MACF1: variants seen among roughly 807,000 people sequenced by gnomAD.
MACF1 encodes microtubule-actin cross-linking factor 1.
Under a neutral mutation model 854.8 loss-of-function variants are expected in MACF1, and 193 were observed. The ratio of observed to expected loss-of-function variants is 0.23; its 90% CI spans 0.20 to 0.25. The LOEUF (loss-of-function observed/expected upper bound fraction) is 0.25, where lower values mean the gene tolerates loss of function less well. MACF1 is among the 10% of genes least tolerant of loss of function. The probability of loss-of-function intolerance (pLI) is 1.00; values close to 1 mark genes in which losing one functional copy is unlikely to be tolerated. For missense variants in MACF1, 7,722 were observed against 8,929.1 expected (o/e 0.86, Z 5.45); for synonymous variants, 3,185 against 3,226.7 (o/e 0.99, Z 0.44).
intron 1 of MACF1, among the ~76,000 whole-genome samples, chr1:39,207,557 G>A (rs974367006): frequency 6.6e-6 from 1 of 151,962 alleles, no homozygotes; most frequent in African/African-American, 2.4e-5. Context: ...TGGGATTATA[G>A]GTGTGAGCCA....
chr1:39,175,894 A>G (rs200852644), intron 2 of MACF1, among the ~76,000 whole-genome samples: 20 of 148,548 alleles, frequency 1.3e-4, no homozygotes, highest in Admixed American at 2.7e-4. Flanking sequence ...TCAGGAGATC[A>G]AGACCATCCT....
intron 6 of MACF1, among the ~76,000 whole-genome samples, chr1:39,267,880 G>T (rs1274726279): frequency 1.3e-5 from 2 of 152,178 alleles, no homozygotes; most frequent in African/African-American, 4.8e-5. Flanking sequence ...ATAGGAAAAA[G>T]GAGGGAAATA....
chr1:39,125,487 C>G (rs1642836354), intron 2 of MACF1, among the ~76,000 whole-genome samples: 1 of 152,150 alleles, frequency 6.6e-6, no homozygotes, highest in African/African-American at 2.4e-5. Context: ...TACTCAATAT[C>G]CGTGAGTTGT....
intron 58 of MACF1, among the ~76,000 whole-genome samples, chr1:39,417,588 C>T (rs775275699): frequency 2.0e-5 from 3 of 151,662 alleles, no homozygotes; most frequent in Non-Finnish European, 4.4e-5. Flanking sequence ...ACTCTGTTGC[C>T]CAGGCTGGAG....
chr1:39,273,565 A>C (rs781446664), intron 6 of MACF1, among the ~76,000 whole-genome samples: 4 of 152,092 alleles, frequency 2.6e-5, no homozygotes, highest in Non-Finnish European at 5.9e-5. Flanking sequence ...CAGAAGGTAA[A>C]GTTATAGTTT....
rs760903340 is a variant in MACF1 at position 39,360,842 on chromosome 1, ATCT to A, written c.12298_12300del (p.Ser4100del). 5.0e-6 allele frequency: 8 copies of A among 1,614,028 alleles called. No homozygotes were observed. The highest frequency in any genetic ancestry group is 5.9e-6 in the Non-Finnish European group (7 of 1,180,008). ...GCCTCTCCTATAGCCTGGCTGAGCG[ATCT>A]TCTCTGCTGCAGAAAGCAATTGCCC... is the stretch of plus-strand genomic sequence containing the variant. On this transcript the variant is annotated inframe_deletion, in exon 48 of 101. Coordinates refer to ENST00000564288, the MANE Select transcript of MACF1 (RefSeq NM_001394062.1).
At chr1:39,444,584 G>T (rs1175218522) in intron 79 of MACF1, 78 bp from the exon 80 acceptor site, 24 of 1,336,582 alleles carry the variant, frequency 1.8e-5, no homozygotes, top group Non-Finnish European at 2.2e-5. Flanking sequence ...GACTTTCCCA[G>T]ACTCTGCTAC....
chr1:39,301,189 C>T (rs1303924095), intron 22 of MACF1, among the ~76,000 whole-genome samples: 7 of 152,080 alleles, frequency 4.6e-5, no homozygotes, highest in East Asian at 1.9e-4. Context: ...TGCAGTGGCA[C>T]GATCTCAGCT....
rs1267885515 is a variant in MACF1, at chr1:39,161,727, C to T, written c.221-69455C>T. On this transcript the variant is annotated intron_variant, in intron 2 of 93. Coordinates refer to the MACF1 transcript ENST00000361689. Reference sequence around the variant, plus strand: ...TAAAAATACAAAAAAATTAGCCAGGCGTGGTGGCGGGCGCCTGTAGTCCCA... The same window carrying T: ...TAAAAATACAAAAAAATTAGCCAGGTGTGGTGGCGGGCGCCTGTAGTCCCA... 7.3e-5 allele frequency among the ~76,000 whole-genome samples: 11 copies of T among 151,678 alleles called. 1 individual carries two copies. Among genetic ancestry groups the T allele is most frequent in the Admixed American group, 3.3e-4 (5 of 15,232 alleles).
In MACF1 at chr1:39,331,378, A is replaced by T; in HGVS notation, c.4790A>T (p.Glu1597Val). 2 of 1,613,896 alleles carry T rather than the reference A, an allele frequency of 1.2e-6. No homozygotes were observed. The highest frequency in any genetic ancestry group is 1.7e-6 in the Non-Finnish European group (2 of 1,179,970). ...PETGENLSLE[E>V]GIARNLINPQ... ...ACGGGTGAAAACCTCTCTTTGGAGG[A>T]GGGCATAGCCAGAAACCTCATTAAT... is the stretch of plus-strand genomic sequence containing the variant. The change falls in exon 37 of 101, where the codon GAG becomes GTG. Residue 1597 changes from glutamate to valine, a missense_variant. Physicochemically the swap from Glu to Val is moderately radical, Grantham distance 121 (BLOSUM62 -2). Transcript: ENST00000564288.
intron 58 of MACF1, among the ~76,000 whole-genome samples, chr1:39,389,351 G>GGTT (rs1641935224): frequency 3.2e-5 from 2 of 63,472 alleles, no homozygotes; most frequent in African/African-American, 5.7e-5. Flanking sequence ...GTTTTTGTGT[G>GGTT]TTTTTTTTTT....
At chr1:39,089,801 A>G (rs1200043850) in intron 2 of MACF1, among the ~76,000 whole-genome samples, 1 of 152,166 alleles carries the variant, frequency 6.6e-6, no homozygotes, top group Non-Finnish European at 1.5e-5. Context: ...TAGGCAAATG[A>G]CCTCACTTCT....
Position 39,432,611 on chromosome 1 carries a change from G to T in MACF1, c.17414G>T (p.Arg5805Leu). The change falls in exon 67 of 101, where the codon CGC (arginine) becomes CTC (leucine). Residue 5805 changes from arginine (R) to leucine (L), a missense_variant. Physicochemically the swap from Arg to Leu is moderately radical, Grantham distance 102. Transcript: ENST00000564288. ...AAACTGATGGCTCTGGGTCCAATTC[G>T]CCTGGAACAGGACCAGACCACAGCT... ...KRKLMALGPIRLEQDQTTAQL... is the reference protein window; with the variant it reads ...KRKLMALGPILLEQDQTTAQL... 6.2e-7 allele frequency: 1 copy of T among 1,613,960 alleles called. No homozygotes were observed. The highest frequency in any genetic ancestry group is 8.5e-7 in the Non-Finnish European group (1 of 1,179,932).
At position 39,440,111 on chromosome 1, in the gene MACF1, C is replaced by CTTTTTTTTTTTTTTTTTTTT. The variant is rs774399403; in HGVS notation, c.18447+629_18447+630insTTTTTTTTTTTTTTTTTTTT. Among the ~76,000 whole-genome samples, 17 of 64,518 alleles carry CTTTTTTTTTTTTTTTTTTTT rather than the reference C, an allele frequency of 2.6e-4. 2 individuals are homozygous for CTTTTTTTTTTTTTTTTTTTT. The highest frequency in any genetic ancestry group is 8.7e-4 in the African/African-American group (13 of 14,886). The allele number at this position is 64,518 out of a possible 152,430, so 42.3% of individuals were successfully genotyped here. ...CTTTTCTTTTCTTTTCTTTTCTTTT[C>CTTTTTTTTTTTTTTTTTTTT]TTTTTTTTTTTTTTTTTTGGAGACA... On this transcript the variant is annotated intron_variant, in intron 72 of 100. Transcript: ENST00000564288.
intron 2 of MACF1, among the ~76,000 whole-genome samples, chr1:39,178,515 G>C (rs535253627): frequency 6.6e-6 from 1 of 152,122 alleles, no homozygotes; most frequent in Non-Finnish European, 1.5e-5. Flanking sequence ...ACCCCAGTGG[G>C]GCACATAGTT....
intron 2 of MACF1, among the ~76,000 whole-genome samples, chr1:39,196,862 T>G (rs572891861): frequency 6.6e-6 from 1 of 152,310 alleles, no homozygotes; most frequent in African/African-American, 2.4e-5. Flanking sequence ...AGATTTCTTG[T>G]GGGTAACAGT....
At chr1:39,096,044 C>T in intron 2 of MACF1, among the ~76,000 whole-genome samples, 1 of 151,906 alleles carries the variant, frequency 6.6e-6, no homozygotes, top group East Asian at 1.9e-4. Context: ...TGGCACATAC[C>T]TGTGGACCCA....
chr1:39,472,555 T>C (rs1557672235), intron 97 of MACF1, among the ~76,000 whole-genome samples: 1 of 152,242 alleles, frequency 6.6e-6, no homozygotes, highest in Non-Finnish European at 1.5e-5. Flanking sequence ...TTCCAAGTGA[T>C]ATGTATATAA....
At chr1:39,269,066 A>G (rs757632085) in intron 6 of MACF1, 1 of 1,289,704 alleles carries the variant, frequency 7.8e-7, no homozygotes, top group Non-Finnish European at 1.0e-6. Flanking sequence ...ACCTTTTGTT[A>G]GAGAATGAGT....
Sources: allele counts gnomAD v4.1 joint callset (sites outside exome capture counted in the v4.1 genomes callset), GRCh38; gene constraint gnomAD v4.1.1; transcripts MANE v1.5; gene names NCBI Gene and HGNC (gene_info 2026-07-23, HGNC 2026-07-21).